CSGALNACT1: variants seen among roughly 807,000 people sequenced by gnomAD.
CSGALNACT1 encodes the protein chondroitin sulfate N-acetylgalactosaminyltransferase 1.
In CSGALNACT1, 52 loss-of-function variants were observed where a neutral mutation model predicts 51.0. That is an observed-to-expected ratio of 1.02 (90% CI 0.82 to 1.29). The LOEUF (loss-of-function observed/expected upper bound fraction) is 1.29. Among genes scored for constraint, CSGALNACT1 ranks in the 50% most tolerant of loss-of-function variants. The pLI, the probability that CSGALNACT1 is intolerant of heterozygous loss-of-function variation, is 0.00. For synonymous variants in CSGALNACT1, 341 were observed against 254.4 expected (o/e 1.34, Z -3.24); for missense variants, 935 against 679.2 (o/e 1.38, Z -4.19).
chr8:19,466,190 G>A (rs2066628839), intron 4 of CSGALNACT1, among the ~76,000 whole-genome samples: 2 of 152,176 alleles, frequency 1.3e-5, no homozygotes, highest in Non-Finnish European at 2.9e-5. Context: ...TTTGGGAAAA[G>A]AAAATCTGTA....
chr8:19,703,301 G>A (rs1231938406), intron 1 of CSGALNACT1, among the ~76,000 whole-genome samples: 1 of 152,044 alleles, frequency 6.6e-6, no homozygotes, highest in Admixed American at 6.6e-5. Flanking sequence ...ACCTCTCTTG[G>A]TTTGTTGGTT....
chr8:19,461,484 G>A (rs79548012), intron 4 of CSGALNACT1, among the ~76,000 whole-genome samples: 52,556 of 125,910 alleles, frequency 0.42, 12,294 homozygotes, highest in East Asian at 0.82. Flanking sequence ...ACCAAGGAGG[G>A]CCTATCCGCA....
chr8:19,703,239 T>C (rs755929807), intron 1 of CSGALNACT1, among the ~76,000 whole-genome samples: 6 of 152,172 alleles, frequency 3.9e-5, no homozygotes, highest in Non-Finnish European at 7.3e-5. Flanking sequence ...TGACGTGGCA[T>C]GTGACTTGGG....
intron 1 of CSGALNACT1, chr8:19,641,663 G>C (rs1314817347): frequency 6.6e-6 from 1 of 152,166 alleles, no homozygotes; most frequent in Non-Finnish European, 1.5e-5. Context: ...AACAAAACCT[G>C]TAGGCATTCA....
intron 1 of CSGALNACT1, among the ~76,000 whole-genome samples, chr8:19,618,257 C>A (rs1295325660): frequency 6.6e-6 from 1 of 152,146 alleles, no homozygotes. Context: ...TCAGGAAGAT[C>A]TATGTCTCGG....
chr8:19,528,001 G>T (rs542794821), intron 3 of CSGALNACT1, among the ~76,000 whole-genome samples: 6 of 152,082 alleles, frequency 3.9e-5, no homozygotes, highest in Non-Finnish European at 8.8e-5. Context: ...GAGTCTATAG[G>T]AACTCCAACA....
upstream of CSGALNACT1, among the ~76,000 whole-genome samples, chr8:19,684,261 C>G (rs1486724248): frequency 6.6e-6 from 1 of 151,886 alleles, no homozygotes; most frequent in Non-Finnish European, 1.5e-5. Flanking sequence ...TGAAACAGAT[C>G]TAAGAATAAA....
At chr8:19,571,659 A>G (rs759771843) in intron 3 of CSGALNACT1, among the ~76,000 whole-genome samples, 1 of 152,206 alleles carries the variant, frequency 6.6e-6, no homozygotes, top group Non-Finnish European at 1.5e-5. Context: ...AAAAAATTAT[A>G]TTGGAAAGTC....
At chr8:19,661,657 C>A (rs753852830) in intron 1 of CSGALNACT1, among the ~76,000 whole-genome samples, 13 of 152,156 alleles carry the variant, frequency 8.5e-5, no homozygotes, top group Non-Finnish European at 1.8e-4. Context: ...ATCATCTATG[C>A]CATGCTCTTT....
chr8:19,539,385 C>T (rs2084541721), intron 3 of CSGALNACT1, among the ~76,000 whole-genome samples: 1 of 152,080 alleles, frequency 6.6e-6, no homozygotes, highest in African/African-American at 2.4e-5. Flanking sequence ...ATCTGCCTTC[C>T]CTTCAAGAAA....
intron 4 of CSGALNACT1, among the ~76,000 whole-genome samples, chr8:19,469,679 T>C (rs545397348): frequency 1.3e-5 from 2 of 152,224 alleles, no homozygotes; most frequent in Non-Finnish European, 2.9e-5. Context: ...CATGTAGGTC[T>C]CCGCCCTGAA....
At chr8:19,453,999 G>C (rs562935172) in intron 5 of CSGALNACT1, among the ~76,000 whole-genome samples, 4 of 152,284 alleles carry the variant, frequency 2.6e-5, no homozygotes, top group South Asian at 2.1e-4. Context: ...TGTGATTAAA[G>C]ACTAATGAAG....
At chr8:19,526,974 T>C (rs919959925) in intron 3 of CSGALNACT1, among the ~76,000 whole-genome samples, 2 of 152,180 alleles carry the variant, frequency 1.3e-5, no homozygotes, top group Admixed American at 1.3e-4. Context: ...TCATTCAGGA[T>C]CTTAGATATC....
intron 7 of CSGALNACT1, 34 bp downstream of exon 6, chr8:19,420,295 AGAGGGCTGGGG>A: frequency 6.3e-7 from 1 of 1,594,318 alleles, no homozygotes; most frequent in Non-Finnish European, 8.6e-7. Context: ...CATGGGCCCG[AGAGGGCTGGGG>A]GCCACCTGAG....
At chr8:19,748,796 C>T (rs1250863126) in intron 1 of CSGALNACT1, among the ~76,000 whole-genome samples, 4 of 152,074 alleles carry the variant, frequency 2.6e-5, no homozygotes, top group African/African-American at 7.2e-5. Flanking sequence ...GAATCCTCTA[C>T]TCTGCTAAAA....
chr8:19,429,867 C>T (rs1369400327), intron 6 of CSGALNACT1, among the ~76,000 whole-genome samples: 1 of 152,218 alleles, frequency 6.6e-6, no homozygotes, highest in Non-Finnish European at 1.5e-5. Context: ...GTTCCAATTT[C>T]TCTGCCTCCT....
chr8:19,720,611 T>A (rs1234289545), intron 1 of CSGALNACT1, among the ~76,000 whole-genome samples: 1 of 152,186 alleles, frequency 6.6e-6, no homozygotes, highest in South Asian at 2.1e-4. Context: ...CGGACAGGGC[T>A]AAGGAGTGTG....
At chr8:19,748,282 C>T (rs537108952) in intron 1 of CSGALNACT1, among the ~76,000 whole-genome samples, 1 of 152,300 alleles carries the variant, frequency 6.6e-6, no homozygotes, top group African/African-American at 2.4e-5. Context: ...TCATTCCTGT[C>T]AGTCTAGAAC....
At chr8:19,632,511 G>C (rs1345993553) in intron 1 of CSGALNACT1, among the ~76,000 whole-genome samples, 2 of 151,826 alleles carry the variant, frequency 1.3e-5, no homozygotes, top group East Asian at 1.9e-4. Context: ...ATAACATTTG[G>C]AATACCTTTC....
Sources: allele counts gnomAD v4.1 joint callset (sites outside exome capture counted in the v4.1 genomes callset), GRCh38; gene constraint gnomAD v4.1.1; transcripts MANE v1.5; gene names NCBI Gene and HGNC (gene_info 2026-07-23, HGNC 2026-07-21).